MAML3: variants seen among roughly 807,000 people sequenced by gnomAD.
The protein encoded by MAML3 is mastermind like transcriptional coactivator 3, also known as mastermind-like protein 3.
MAML3 carries 27 observed loss-of-function variants against 101.9 expected under a neutral mutation model. The observed-to-expected ratio is 0.27, with a 90% CI of 0.20 to 0.37. The LOEUF is 0.37. Among genes scored for constraint, MAML3 ranks in the 10% least tolerant of loss-of-function variants. The pLI is 1.00. For missense variants in MAML3, 1,316 were observed against 1,444.9 expected (o/e 0.91, Z 1.45); for synonymous variants, 501 against 555.9 (o/e 0.90, Z 1.39).
chr4:139,804,270 T>C (rs1030718630), intron 2 of MAML3, among the ~76,000 whole-genome samples: 45 of 50,560 alleles, frequency 8.9e-4, no homozygotes, highest in African/African-American at 3.0e-3. Context: ...TCACTAAGGA[T>C]TTTTTTTTTT....
intron 1 of MAML3, among the ~76,000 whole-genome samples, chr4:139,943,242 C>T (rs1042320629): frequency 3.9e-5 from 6 of 152,084 alleles, no homozygotes; most frequent in African/African-American, 1.4e-4. Context: ...ATAATCCTTA[C>T]AGCATACAGA....
intron 1 of MAML3, among the ~76,000 whole-genome samples, chr4:139,925,567 A>G (rs1465588668): frequency 1.3e-5 from 2 of 152,164 alleles, no homozygotes; most frequent in Non-Finnish European, 2.9e-5. Context: ...AGTGGCCAAA[A>G]AAAACAAGGT....
intron 1 of MAML3, among the ~76,000 whole-genome samples, chr4:140,064,816 C>T (rs1877079): frequency 0.23 from 35,482 of 152,138 alleles, 5,243 homozygotes; most frequent in Non-Finnish European, 0.31. Context: ...CCAAAAACAA[C>T]AGAACAACAG....
chr4:139,832,950 A>T (rs1731194271), intron 2 of MAML3, among the ~76,000 whole-genome samples: 6 of 152,210 alleles, frequency 3.9e-5, no homozygotes, highest in Admixed American at 3.9e-4. Flanking sequence ...TTAAGAAAAA[A>T]CAACAGGCCA....
At chr4:139,856,146 C>T (rs1192275149) in intron 2 of MAML3, among the ~76,000 whole-genome samples, 1 of 152,156 alleles carries the variant, frequency 6.6e-6, no homozygotes, top group Non-Finnish European at 1.5e-5. Flanking sequence ...CTGTTCCTAC[C>T]CAGCACAATG....
rs934646262 is a variant in MAML3, at chr4:139,717,209, TC to T, written c.*2113del. On this transcript the variant is annotated 3_prime_UTR_variant, in exon 5 of 5. Coordinates refer to ENST00000509479, the MANE Select transcript of MAML3 (RefSeq NM_018717.5). Reference sequence around the variant, plus strand: ...ATATTAAAATCTACCTATTAGTTGGTCCCAGTACTGAGCATTTGGAGGAAGC... The same window carrying T: ...ATATTAAAATCTACCTATTAGTTGGTCCAGTACTGAGCATTTGGAGGAAGC... The T allele has an allele frequency of 6.6e-6, 1 of 152,584 alleles. No homozygotes were observed. The highest frequency in any genetic ancestry group is 6.6e-5 in the Admixed American group (1 of 15,264). 9.5% of individuals were successfully genotyped at this position (152,584 alleles called of 1,614,324 possible). A position where few individuals can be genotyped will look rare whatever the true frequency, so the allele number is the denominator to read the frequency against.
chr4:140,027,172 C>G (rs994452900), intron 1 of MAML3, among the ~76,000 whole-genome samples: 1 of 152,166 alleles, frequency 6.6e-6, no homozygotes, highest in Non-Finnish European at 1.5e-5. Context: ...AAAAATATCC[C>G]CGTCTTGTTG....
intron 1 of MAML3, among the ~76,000 whole-genome samples, chr4:140,044,382 T>G (rs1232853139): frequency 6.6e-6 from 1 of 152,226 alleles, no homozygotes; most frequent in Non-Finnish European, 1.5e-5. Context: ...TGTATTATTG[T>G]GGATTGACAA....
intron 1 of MAML3, among the ~76,000 whole-genome samples, chr4:140,108,947 C>CCT (rs1371049215): frequency 1.3e-5 from 2 of 152,080 alleles, no homozygotes; most frequent in African/African-American, 2.4e-5. Context: ...CTTCCTGGTC[C>CCT]CTCTTTTTTC....
chr4:139,870,984 TG>T (rs1340479028), intron 2 of MAML3, among the ~76,000 whole-genome samples: 1 of 152,050 alleles, frequency 6.6e-6, no homozygotes, highest in Non-Finnish European at 1.5e-5. Flanking sequence ...TGATGATGAG[TG>T]GGTTTTCAGA....
At chr4:140,039,744 C>T (rs1006427889) in intron 1 of MAML3, among the ~76,000 whole-genome samples, 2 of 152,156 alleles carry the variant, frequency 1.3e-5, no homozygotes, top group African/African-American at 4.8e-5. Flanking sequence ...AGAGTTAATA[C>T]GCACCAAGCA....
rs1481584956 is a variant in MAML3 at position 139,993,664 on chromosome 4, A to G, written c.469-102697T>C. Among the ~76,000 whole-genome samples, 3 of 151,810 alleles carry G rather than the reference A, an allele frequency of 2.0e-5. No homozygotes were observed. The East Asian group carries it at 5.8e-4, about 30-fold the overall frequency. On this transcript the variant is annotated intron_variant, in intron 1 of 4. Coordinates refer to ENST00000509479, the MANE Select transcript of MAML3 (RefSeq NM_018717.5). ...AACATGATGAAACCTCGTCTCTACT[A>G]AAAATACAAAAAAATTAACTGGGTG...
chr4:139,946,303 C>G lies in MAML3; in HGVS notation c.469-55336G>C, dbSNP rs191608580. Among the ~76,000 whole-genome samples the G allele has an allele frequency of 1.1e-4, 17 of 152,294 alleles. No individual in the cohort carries two copies. The East Asian group carries it at 3.3e-3, about 29-fold the overall frequency. Reference sequence around the variant, plus strand: ...AGATGAAGTTTATTAATTATTTCCACAAACCATCTAGGGTGATTCTCTCAG... The same window carrying G: ...AGATGAAGTTTATTAATTATTTCCAGAAACCATCTAGGGTGATTCTCTCAG... On this transcript the variant is annotated intron_variant, in intron 1 of 4. Coordinates refer to ENST00000509479, the MANE Select transcript of MAML3 (RefSeq NM_018717.5).
chr4:139,820,005 C>G (rs575652162), intron 2 of MAML3, among the ~76,000 whole-genome samples: 1 of 152,332 alleles, frequency 6.6e-6, no homozygotes, highest in East Asian at 1.9e-4. Context: ...CCCTACCTCT[C>G]TCTCCAATTT....
chr4:139,827,335 C>G (rs2111129126), intron 2 of MAML3, among the ~76,000 whole-genome samples: 1 of 152,294 alleles, frequency 6.6e-6, no homozygotes, highest in Non-Finnish European at 1.5e-5. Context: ...TGCCATTCAC[C>G]AACAAAGACT....
chr4:139,816,979 A>G (rs1017782417), intron 2 of MAML3, among the ~76,000 whole-genome samples: 5 of 152,170 alleles, frequency 3.3e-5, no homozygotes, highest in Admixed American at 6.5e-5. Context: ...GCATTCTTAG[A>G]GTCTACTGTG....
At chr4:140,031,218 A>G (rs1726902342) in intron 1 of MAML3, among the ~76,000 whole-genome samples, 1 of 152,176 alleles carries the variant, frequency 6.6e-6, no homozygotes, top group Non-Finnish European at 1.5e-5. Context: ...TTATTCTTCC[A>G]ATGCTTACTC....
At chr4:140,116,461 C>T (rs1011277289) in intron 1 of MAML3, among the ~76,000 whole-genome samples, 7 of 152,190 alleles carry the variant, frequency 4.6e-5, no homozygotes, top group Admixed American at 2.6e-4. Flanking sequence ...GAAACCAAGA[C>T]GGTGTCTATT....
At chr4:140,056,374 A>T (rs2874370) in intron 1 of MAML3, among the ~76,000 whole-genome samples, 28,157 of 140,098 alleles carry the variant, frequency 0.2, 3,005 homozygotes, top group Non-Finnish European at 0.25. Context: ...TTTTTTTTTT[A>T]AAGACAGAGT....
Sources: allele counts gnomAD v4.1 joint callset (sites outside exome capture counted in the v4.1 genomes callset), GRCh38; gene constraint gnomAD v4.1.1; transcripts MANE v1.5; gene names NCBI Gene and HGNC (gene_info 2026-07-23, HGNC 2026-07-21).